The following STAB1 variants were observed in gnomAD, a reference collection of about 807,000 sequenced individuals.
The protein encoded by STAB1 is stabilin 1.
In STAB1, 250 loss-of-function variants were observed where a neutral mutation model predicts 332.4. The ratio of observed to expected loss-of-function variants is 0.75; its 90% CI spans 0.68 to 0.84. The LOEUF (loss-of-function observed/expected upper bound fraction) is 0.84, where lower values mean the gene tolerates loss of function less well. Ranked by LOEUF, STAB1 falls within the 40% of genes least tolerant of loss-of-function variation. The pLI, the probability that STAB1 is intolerant of heterozygous loss-of-function variation, is 0.00. For synonymous variants in STAB1, 1,475 were observed against 1,390.4 expected, an observed-to-expected ratio of 1.06 and a Z score of -1.35; for missense variants, 3,249 against 3,489.7, an observed-to-expected ratio of 0.93 and a Z score of 1.74.
chr3:52,514,362 C>T lies in STAB1; in HGVS notation c.3547-3C>T, dbSNP rs755619102. 2 of 1,544,134 alleles carry T rather than the reference C, an allele frequency of 1.3e-6. No homozygotes were observed. Among genetic ancestry groups the T allele is most frequent in the South Asian group, 1.3e-5 (1 of 79,930 alleles). The stretch of plus-strand genomic sequence containing the variant: ...TCCCCTGGGTTCTCTCCTTCTCTTC[C>T]AGGACGCAGACACAGTGCGGCACCA... On this transcript the variant is annotated splice_region_variant and splice_polypyrimidine_tract_variant and intron_variant, in intron 33 of 68. Transcript: ENST00000321725.
chr3:52,518,142 G>T, intron 45 of STAB1, 139 bp downstream of exon 45: 1 of 1,492,798 alleles, frequency 6.7e-7, no homozygotes, highest in African/African-American at 1.4e-5. Context: ...ATTGTACCTG[G>T]GCCTGACCCC....
In STAB1 at chr3:52,510,041, A is replaced by G. The variant is rs199961916; in HGVS notation, c.2519A>G (p.Gln840Arg). Residue 840 changes from glutamine (Q) to arginine (R), a missense_variant, in exon 23 of 69, where the codon CAG (glutamine) becomes CGG (arginine). Gln to Arg is a conservative substitution (Grantham distance 43). Transcript: ENST00000321725. Reference protein sequence around the residue: ...HCHLHARCVSQEGVARCRCLD... With the variant: ...HCHLHARCVSREGVARCRCLD... ...CACCTGCATGCCCGCTGTGTTAGCC[A>G]GGAGGGTGTTGCCAGGTGAGGACCC... 6.2e-7 allele frequency: 1 copy of G among 1,609,396 alleles called. No homozygotes were observed. Among genetic ancestry groups the G allele is most frequent in the Admixed American group, 1.7e-5 (1 of 59,888 alleles).
chr3:52,510,592 G>A, intron 25 of STAB1, 85 bp downstream of exon 25: 2 of 1,503,756 alleles, frequency 1.3e-6, no homozygotes, highest in Non-Finnish European at 8.9e-7. Context: ...TGCAGAGTCA[G>A]GTGCTCAGGG....
Position 52,510,045 on chromosome 3 carries a change from G to T in STAB1, c.2523G>T (p.Glu841Asp), listed in dbSNP as rs775280171. Residue 841 changes from glutamate to aspartate, a missense_variant, in exon 23 of 69, where the codon GAG becomes GAT. Coordinates refer to ENST00000321725, the MANE Select transcript of STAB1 (RefSeq NM_015136.3). ...TGCATGCCCGCTGTGTTAGCCAGGA[G>T]GGTGTTGCCAGGTGAGGACCCACAC... is the stretch of plus-strand genomic sequence containing the variant. ...CHLHARCVSQEGVARCRCLDG... is the reference protein window; with the variant it reads ...CHLHARCVSQDGVARCRCLDG... The T allele has an allele frequency of 6.2e-7, 1 of 1,609,644 alleles. No homozygotes were observed. The highest frequency in any genetic ancestry group is 8.5e-7 in the Non-Finnish European group (1 of 1,177,438).
Position 52,507,999 on chromosome 3 carries a change from T to C in STAB1, c.2121T>C (p.Cys707=). 1 of 1,613,614 alleles carries C rather than the reference T, an allele frequency of 6.2e-7. No individual in the cohort carries two copies. The highest frequency in any genetic ancestry group is 8.5e-7 in the Non-Finnish European group (1 of 1,179,980). ...GGCTCAATGTGCTAAAGAAGGGCTG[T>C]GCCAGCTACTGCAACCAAACCATCA... ...PTGLNVLKKG[C]ASYCNQTIME... is the part of the protein sequence containing the mutation. The change falls in exon 20 of 69, where the codon TGT becomes TGC. Residue 707 remains cysteine, a synonymous_variant. Coordinates refer to ENST00000321725, the MANE Select transcript of STAB1 (RefSeq NM_015136.3).
In STAB1 at chr3:52,521,891, C is replaced by T. The variant is rs200633823; in HGVS notation, c.6211C>T (p.Arg2071Cys). 3.5e-5 allele frequency: 56 copies of T among 1,608,052 alleles called. No individual in the cohort carries two copies. The highest frequency in any genetic ancestry group is 2.7e-4 in the East Asian group (12 of 44,772). ...TPPCAPEAVC[R>C]AGNSCECSLG... ...ACCCTGTGCACCCGAGGCTGTGTGC[C>T]GTGCAGGCAACAGCTGTGAGTGCAG... Residue 2071 changes from arginine to cysteine, a missense_variant, in exon 58 of 69, where the codon CGT becomes TGT. By Grantham distance (180) the Arg-to-Cys change is radical (BLOSUM62 -3). Coordinates refer to ENST00000321725, the MANE Select transcript of STAB1 (RefSeq NM_015136.3).
In STAB1 at chr3:52,508,296, T is replaced by C; in HGVS notation, c.2172T>C (p.Phe724=). 2 of 1,613,596 alleles carry C rather than the reference T, an allele frequency of 1.2e-6. No individual in the cohort carries two copies. Among genetic ancestry groups the C allele is most frequent in the South Asian group, 1.1e-5 (1 of 91,062 alleles). Residue 724 remains phenylalanine (F), a synonymous_variant, in exon 21 of 69, where the codon TTT becomes TTC. Transcript: ENST00000321725. Reference sequence around the variant, plus strand: ...AGGAACAAGGCTGCTGCAAAGGTTTTTTCGGGCCTGACTGCACGCAGTGTC... The same window carrying C: ...AGGAACAAGGCTGCTGCAAAGGTTTCTTCGGGCCTGACTGCACGCAGTGTC... ...TIMEQGCCKG[F]FGPDCTQCPG...
intron 1 of STAB1, among the ~76,000 whole-genome samples, chr3:52,498,519 C>A (rs1051559439): frequency 6.6e-6 from 1 of 152,270 alleles, no homozygotes; most frequent in Non-Finnish European, 1.5e-5. Context: ...CACACGTTTA[C>A]AAACACCCAG....
rs1175514291 is a variant in STAB1 at position 52,522,543 on chromosome 3, T to C, written c.6611-12T>C. ...AGCCGGCCAGCTGACCATGCACCCC[T>C]CCATTCTGCAGAGAAACGGGCTGGC... On this transcript the variant is annotated splice_polypyrimidine_tract_variant and intron_variant, in intron 60 of 68. Coordinates refer to ENST00000321725, the MANE Select transcript of STAB1 (RefSeq NM_015136.3). 1.2e-6 allele frequency: 2 copies of C among 1,612,964 alleles called. No homozygotes were observed. Among genetic ancestry groups the C allele is most frequent in the East Asian group, 2.2e-5 (1 of 44,864 alleles).
chr3:52,517,050 C>G lies in STAB1; in HGVS notation c.4430C>G (p.Pro1477Arg). 2 of 1,604,156 alleles carry G rather than the reference C, an allele frequency of 1.2e-6. No individual in the cohort carries two copies. The highest frequency in any genetic ancestry group is 2.2e-5 in the East Asian group (1 of 44,738). ...SPHANCTKVA[P>R]GQRTCTCQDG... ...CATGCCAACTGTACCAAGGTGGCAC[C>G]TGGGCAGCGGACATGCACCTGCCAG... is the stretch of plus-strand genomic sequence containing the variant. Residue 1477 changes from proline to arginine, a missense_variant, in exon 42 of 69, where the codon CCT becomes CGT. Pro to Arg is a moderately radical substitution (Grantham distance 103). Coordinates refer to ENST00000321725, the MANE Select transcript of STAB1 (RefSeq NM_015136.3).
At chr3:52,502,314 TC>T in intron 5 of STAB1, 86 bp downstream of exon 5, 1 of 1,431,758 alleles carries the variant, frequency 7.0e-7, no homozygotes, top group Non-Finnish European at 9.6e-7. Flanking sequence ...CTCCCACCTG[TC>T]CCTTCAGCCT....
At chr3:52,519,646 G>GCATACCCACCTGTGTGCA (rs2079006936) in intron 50 of STAB1, 82 bp downstream of exon 50, 6 of 1,567,506 alleles carry the variant, frequency 3.8e-6, no homozygotes, top group Admixed American at 1.7e-5. Context: ...ACCTGTGTGT[G>GCATACCCACCTGTGTGCA]CATACCCACC....
Position 52,495,487 on chromosome 3 carries a change from G to A in STAB1, c.74G>A (p.Gly25Glu), listed in dbSNP as rs145490292. The A allele has an allele frequency of 2.4e-5, 32 of 1,341,152 alleles. No individual in the cohort carries two copies. The highest frequency in any genetic ancestry group is 3.2e-5 in the Admixed American group (1 of 31,654). 83.1% of individuals were successfully genotyped at this position (1,341,152 alleles called of 1,614,324 possible). The change falls in exon 1 of 69, where the codon GGG becomes GAG. Residue 25 changes from glycine to glutamate, a missense_variant. By Grantham distance (98) the Gly-to-Glu change is moderately conservative. Coordinates refer to ENST00000321725, the MANE Select transcript of STAB1 (RefSeq NM_015136.3). ...CTGGCAGGCTTCAGCTTCGTCAGGG[G>A]GCAGGTAAGTGTGAGCCAGTCGCAG... ...FCLAGFSFVR[G>E]QVLFKGCDVK... is the part of the protein sequence containing the mutation.
At position 52,515,646 on chromosome 3, in the gene STAB1, G is replaced by A. The variant is rs1559704426; in HGVS notation, c.3948+140G>A. 4.7e-6 allele frequency: 4 copies of A among 847,684 alleles called. No individual in the cohort carries two copies. The East Asian group carries it at 1.0e-4, about 22-fold the overall frequency. The allele number at this position is 847,684 out of a possible 1,614,324, so 52.5% of individuals were successfully genotyped here. ...GGGTGAGGCCAGAACCCAGAGGAAG[G>A]AGATGGGAGAGAGGTCTGAAGTCAG... is the stretch of plus-strand genomic sequence containing the variant. On this transcript the variant is annotated intron_variant, in intron 37 of 68. Coordinates refer to ENST00000321725, the MANE Select transcript of STAB1 (RefSeq NM_015136.3).
In STAB1 at chr3:52,512,356, G is replaced by T. The variant is rs139982052; in HGVS notation, c.2899G>T (p.Val967Leu). The change falls in exon 27 of 69, where the codon GTG (valine) becomes TTG (leucine). Residue 967 changes from valine to leucine, a missense_variant. Transcript: ENST00000321725. ...CCCACCCCAGGCCACCTGCCGGGCA[G>T]TGGGGGGAGGTCAGCGGGTCTGCAC... The part of the protein sequence containing the change: ...GCHGLATCRA[V>L]GGGQRVCTCP... The T allele has an allele frequency of 6.6e-5, 106 of 1,612,862 alleles. No homozygotes were observed. The highest frequency in any genetic ancestry group is 8.8e-5 in the Non-Finnish European group (104 of 1,179,730).
At chr3:52,517,666 G>A (rs750638562) in intron 44 of STAB1, 42 bp downstream of exon 44, 2 of 1,603,154 alleles carry the variant, frequency 1.2e-6, no homozygotes, top group Non-Finnish European at 1.7e-6. Flanking sequence ...ACGAGAAGGA[G>A]AGGGGACTGA....
Position 52,503,127 on chromosome 3 carries a change from G to A in STAB1, c.694+18G>A, listed in dbSNP as rs1383264276. 5.1e-6 allele frequency: 8 copies of A among 1,571,534 alleles called. No homozygotes were observed. The South Asian group carries it at 5.8e-5, about 11-fold the overall frequency. On this transcript the variant is annotated intron_variant, in intron 7 of 68. Coordinates refer to ENST00000321725, the MANE Select transcript of STAB1 (RefSeq NM_015136.3). ...ATGCCGAGGTGAGCCTGGACTCAGA[G>A]GCCAGGGACTTCAGCTCAGGGCGGG...
At chr3:52,514,320 A>C (rs1253846089) in intron 33 of STAB1, 45 bp from the exon 34 acceptor site, 1 of 1,565,822 alleles carries the variant, frequency 6.4e-7, no homozygotes. Context: ...TGTCCAGGGC[A>C]CTTGGTTATC....
chr3:52,521,578 G>A lies in STAB1; in HGVS notation c.6059-18G>A, dbSNP rs201284949. 161 of 1,612,944 alleles carry A rather than the reference G, an allele frequency of 1.0e-4. No homozygotes were observed. The highest frequency in any genetic ancestry group is 1.3e-4 in the Non-Finnish European group (155 of 1,179,790). On this transcript the variant is annotated intron_variant, in intron 56 of 68. Transcript: ENST00000321725. The stretch of plus-strand genomic sequence containing the variant: ...CTTGTGGGCCAATCTTTATCTTCCT[G>A]CCTGTCCCTCTCCCCAGCCTGCCGC...
Sources: allele counts gnomAD v4.1 joint callset (sites outside exome capture counted in the v4.1 genomes callset), GRCh38; gene constraint gnomAD v4.1.1; transcripts MANE v1.5; gene names NCBI Gene and HGNC (gene_info 2026-07-23, HGNC 2026-07-21).